MYO18B: variants seen among roughly 807,000 people sequenced by gnomAD.
MYO18B encodes the protein myosin XVIIIB.
MYO18B carries 204 observed loss-of-function variants against 273.0 expected under a neutral mutation model. That is an observed-to-expected ratio of 0.75 (90% CI 0.67 to 0.84). The LOEUF (loss-of-function observed/expected upper bound fraction) is 0.84, where lower values mean the gene tolerates loss of function less well. MYO18B is among the 40% of genes least tolerant of loss of function. The pLI, the probability that MYO18B is intolerant of heterozygous loss-of-function variation, is 0.00. For synonymous variants in MYO18B, 1,330 were observed against 1,305.7 expected, an observed-to-expected ratio of 1.02 and a Z score of -0.40; for missense variants, 3,212 against 3,287.6, an observed-to-expected ratio of 0.98 and a Z score of 0.56.
chr22:26,018,821 T>C (rs1043513697), intron 42 of MYO18B, among the ~76,000 whole-genome samples: 2 of 152,110 alleles, frequency 1.3e-5, no homozygotes, highest in African/African-American at 2.4e-5. Context: ...GATGTGGTGG[T>C]GGCGAGCACC....
chr22:26,015,792 TG>T (rs1264064472), intron 42 of MYO18B, among the ~76,000 whole-genome samples: 2 of 152,204 alleles, frequency 1.3e-5, no homozygotes, highest in Non-Finnish European at 2.9e-5. Context: ...CATGTACCCC[TG>T]AACTTAAAAG....
At chr22:25,953,356 G>A (rs966589107) in intron 38 of MYO18B, among the ~76,000 whole-genome samples, 1 of 152,190 alleles carries the variant, frequency 6.6e-6, no homozygotes, top group African/African-American at 2.4e-5. Flanking sequence ...GCCAGGCAGT[G>A]CGTGGGATAA....
chr22:25,796,991 G>A (rs998520353), intron 11 of MYO18B, among the ~76,000 whole-genome samples: 1 of 152,190 alleles, frequency 6.6e-6, no homozygotes, highest in Non-Finnish European at 1.5e-5. Flanking sequence ...ACTTTGGGAG[G>A]CTGAGGTGGG....
At chr22:25,814,392 C>G (rs891976937) in intron 12 of MYO18B, among the ~76,000 whole-genome samples, 1 of 145,860 alleles carries the variant, frequency 6.9e-6, no homozygotes, top group Non-Finnish European at 1.5e-5. Flanking sequence ...CGATCTCGGC[C>G]CTCTGCAACC....
At chr22:26,021,896 G>C (rs899826717) in intron 42 of MYO18B, among the ~76,000 whole-genome samples, 2 of 152,206 alleles carry the variant, frequency 1.3e-5, no homozygotes, top group African/African-American at 2.4e-5. Flanking sequence ...TATCTAGTCA[G>C]GGGTAGCTGT....
intron 39 of MYO18B, among the ~76,000 whole-genome samples, chr22:25,963,682 C>T (rs577419951): frequency 1.0e-3 from 152 of 151,282 alleles, no homozygotes; most frequent in Non-Finnish European, 1.5e-3. Context: ...AAGAGCATTG[C>T]GCTTGGAGTC....
At chr22:25,898,740 G>A (rs1208746997) in intron 29 of MYO18B, 1 of 383,852 alleles carries the variant, frequency 2.6e-6, no homozygotes, top group Middle Eastern at 7.3e-4. Context: ...ATCCCCATTT[G>A]TCGAGTGAAG....
the MYO18B span, among the ~76,000 whole-genome samples, chr22:26,045,992 T>C: frequency 1.3e-5 from 2 of 152,192 alleles, no homozygotes; most frequent in East Asian, 3.8e-4. Context: ...TGGGGAAAAA[T>C]GGAGGCTCTG....
the MYO18B span, among the ~76,000 whole-genome samples, chr22:26,037,744 T>C: frequency 1.3e-5 from 2 of 152,302 alleles, no homozygotes; most frequent in African/African-American, 2.4e-5. Context: ...GGGAACCCAA[T>C]TTTTGGCATC....
At chr22:25,802,970 T>C (rs2145787429) in intron 12 of MYO18B, among the ~76,000 whole-genome samples, 1 of 150,464 alleles carries the variant, frequency 6.6e-6, no homozygotes, top group East Asian at 2.0e-4. Flanking sequence ...TTCTTTCTTT[T>C]TTTTTTTTTG....
At position 25,772,421 on chromosome 22, in the gene MYO18B, C is replaced by T. The variant is rs577621514; in HGVS notation, c.1780C>T (p.Arg594Cys). The T allele has an allele frequency of 1.8e-5, 29 of 1,614,006 alleles. No individual in the cohort carries two copies. The highest frequency in any genetic ancestry group is 2.3e-5 in the Non-Finnish European group (27 of 1,179,884). ...ESSVLNTLLQ[R>C]YKAQLLHTCT... ...CAGTGTCCTGAACACGCTTCTGCAG[C>T]GCTACAAAGCTCAGCTGCTGCACAC... Residue 594 changes from arginine (R) to cysteine (C), a missense_variant, in exon 7 of 44, where the codon CGC becomes TGC. By Grantham distance (180) the Arg-to-Cys change is radical. Coordinates refer to ENST00000335473, the MANE Select transcript of MYO18B (RefSeq NM_032608.7).
chr22:25,826,318 T>C (rs2089487705), intron 13 of MYO18B, 91 bp from the exon 14 acceptor site: 1 of 887,870 alleles, frequency 1.1e-6, no homozygotes, highest in African/African-American at 1.7e-5. Flanking sequence ...AAGGATTTTC[T>C]AAATTGAGTG....
Position 25,873,907 on chromosome 22 carries a change from A to C in MYO18B, c.3952-379A>C, listed in dbSNP as rs138410213. Among the ~76,000 whole-genome samples the C allele has an allele frequency of 7.9e-4, 121 of 152,310 alleles. 1 individual carries two copies. The highest frequency in any genetic ancestry group is 2.8e-3 in the African/African-American group (118 of 41,558). On this transcript the variant is annotated intron_variant, in intron 22 of 43. Coordinates refer to ENST00000335473, the MANE Select transcript of MYO18B (RefSeq NM_032608.7). ...GTGGTGACCGTGCACAGAACAGTTT[A>C]GGCAAGTCCATGCTAGCTGTGCTTC...
At position 26,027,043 on chromosome 22, in the gene MYO18B, T is replaced by A. The variant is rs771242866; in HGVS notation, c.7069T>A (p.Ser2357Thr). 1.9e-6 allele frequency: 3 copies of A among 1,613,922 alleles called. No homozygotes were observed. Among genetic ancestry groups the A allele is most frequent in the Non-Finnish European group, 2.5e-6 (3 of 1,179,870 alleles). ...QFSSCESLLE[S>T]RPSMGRKLSS... ...CAGTTCCTGCGAGTCCCTCTTAGAA[T>A]CCAGACCGAGCATGGGGAGAAAACT... The change falls in exon 43 of 44, where the codon TCC becomes ACC. Residue 2357 changes from serine (S) to threonine (T), a missense_variant. By Grantham distance (58) the Ser-to-Thr change is moderately conservative (BLOSUM62 1). Transcript: ENST00000335473. The surrounding 1 kb of genome is among the most constrained non-coding windows in gnomAD (Gnocchi z 4.1).
At chr22:25,947,349 G>C (rs146339970) in intron 35 of MYO18B, among the ~76,000 whole-genome samples, 13 of 152,150 alleles carry the variant, frequency 8.5e-5, no homozygotes, top group Non-Finnish European at 1.5e-4. Context: ...TGTTCTCAGG[G>C]AGAGCGCCGG....
rs3079384 is a variant in MYO18B, at chr22:25,852,395, TAATG to T, written c.3885+840_3885+843del. Among the ~76,000 whole-genome samples, 54 of 150,754 alleles carry T rather than the reference TAATG, an allele frequency of 3.6e-4. 1 individual carries two copies. The highest frequency in any genetic ancestry group is 1.7e-3 in the South Asian group (8 of 4,758). On this transcript the variant is annotated intron_variant, in intron 21 of 43. Coordinates refer to ENST00000335473, the MANE Select transcript of MYO18B (RefSeq NM_032608.7). The stretch of plus-strand genomic sequence containing the variant: ...GAGCTCAATAATGTTTTTGTTGAGT[TAATG>T]AATGAATGAATGAATGAATGAATAC...
intron 39 of MYO18B, among the ~76,000 whole-genome samples, chr22:25,961,179 A>C (rs1053416463): frequency 2.0e-5 from 3 of 150,728 alleles, no homozygotes; most frequent in Non-Finnish European, 1.5e-5. Flanking sequence ...CTATGGTTGC[A>C]CCCCTGCACT....
At position 25,868,375 on chromosome 22, in the gene MYO18B, G is replaced by A. The variant is rs2090951591; in HGVS notation, c.3941G>A (p.Gly1314Glu). The change falls in exon 22 of 44, where the codon GGG (glycine) becomes GAG (glutamate). Residue 1314 changes from glycine to glutamate, a missense_variant. Coordinates refer to ENST00000335473, the MANE Select transcript of MYO18B (RefSeq NM_032608.7). ...LDLEKKAVAV[G>E]HSQVFLKAGV... is the part of the protein sequence containing the mutation. The stretch of plus-strand genomic sequence containing the variant: ...CTGGAAAAGAAGGCGGTGGCTGTGG[G>A]GCACAGCCAAGTGAGTAGAGCTGCT... 1.3e-6 allele frequency: 2 copies of A among 1,598,430 alleles called. No homozygotes were observed. The highest frequency in any genetic ancestry group is 2.3e-5 in the East Asian group (1 of 44,384).
intron 34 of MYO18B, among the ~76,000 whole-genome samples, chr22:25,939,569 G>A (rs2146545866): frequency 6.6e-6 from 1 of 152,310 alleles, no homozygotes; most frequent in African/African-American, 2.4e-5. Context: ...TGCTCTGATT[G>A]GGTAGGCTGG....
Sources: allele counts gnomAD v4.1 joint callset (sites outside exome capture counted in the v4.1 genomes callset), GRCh38; gene constraint gnomAD v4.1.1; non-coding constraint Gnocchi (gnomAD v3.1); transcripts MANE v1.5; gene names NCBI Gene and HGNC (gene_info 2026-07-23, HGNC 2026-07-21).